Variants in PCDHA8 observed in about 807,000 individuals in gnomAD.
The protein encoded by PCDHA8 is protocadherin alpha 8, also known as protocadherin alpha-8.
A neutral mutation model predicts 61.8 loss-of-function variants in PCDHA8; 53 were observed. That is an observed-to-expected ratio of 0.86 (90% CI 0.69 to 1.08). The LOEUF is 1.08. PCDHA8 is among the 50% of genes least tolerant of loss of function. The pLI is 0.00. For synonymous variants in PCDHA8, 618 were observed against 556.6 expected (o/e 1.11, Z -1.55); for missense variants, 1,293 against 1,245.0 (o/e 1.04, Z -0.58).
intron 1 of PCDHA8, among the ~76,000 whole-genome samples, chr5:140,969,822 G>C (rs559271640): frequency 2.0e-5 from 3 of 152,202 alleles, no homozygotes; most frequent in Non-Finnish European, 4.4e-5. Context: ...ACTCTGGACT[G>C]TCTACAGTGG....
intron 1 of PCDHA8, among the ~76,000 whole-genome samples, chr5:140,975,946 A>T (rs989122714): frequency 6.6e-6 from 1 of 152,210 alleles, no homozygotes; most frequent in Non-Finnish European, 1.5e-5. Context: ...AATAGGACAT[A>T]TTAGAGTTCT....
chr5:140,857,737 G>C (rs782448076), intron 1 of PCDHA8: 4 of 1,597,412 alleles, frequency 2.5e-6, no homozygotes, highest in Middle Eastern at 1.8e-4. Context: ...ACGCTCCCGC[G>C]CTGCTGGCGT....
intron 1 of PCDHA8, chr5:140,861,415 G>T (rs1400394792): frequency 4.2e-6 from 2 of 475,856 alleles, no homozygotes; most frequent in Non-Finnish European, 8.6e-6. Context: ...CTGATACCGC[G>T]CCTGTTTCAG....
Position 140,841,797 on chromosome 5 carries a change from A to T in PCDHA8, c.476A>T (p.Asp159Val). 6.2e-7 allele frequency: 1 copy of T among 1,613,936 alleles called. No homozygotes were observed. The highest frequency in any genetic ancestry group is 8.5e-7 in the Non-Finnish European group (1 of 1,179,872). ...DSRFPLEGAS[D>V]ADVGANSVLT... Reference sequence around the variant, plus strand: ...CGGTTTCCGCTAGAGGGCGCGTCCGATGCAGATGTTGGAGCTAACTCCGTG... The same window carrying T: ...CGGTTTCCGCTAGAGGGCGCGTCCGTTGCAGATGTTGGAGCTAACTCCGTG... Residue 159 changes from aspartate (D) to valine (V), a missense_variant, in exon 1 of 4, where the codon GAT becomes GTT. Physicochemically the swap from Asp to Val is radical, Grantham distance 152 (BLOSUM62 -3). Transcript: ENST00000531613.
chr5:140,954,610 A>T (rs1464657596), intron 1 of PCDHA8, among the ~76,000 whole-genome samples: 1 of 151,962 alleles, frequency 6.6e-6, no homozygotes, highest in East Asian at 1.9e-4. Flanking sequence ...CCACTTTTTA[A>T]TGGGCTTGTT....
chr5:140,841,586 C>A lies in PCDHA8; in HGVS notation c.265C>A (p.Arg89=), dbSNP rs1327577851. The A allele has an allele frequency of 2.5e-6, 4 of 1,614,026 alleles. No homozygotes were observed. The highest frequency in any genetic ancestry group is 4.5e-5 in the East Asian group (2 of 44,878). ...GAATGGCATTTTGTTTGTGAATTCT[C>A]GGATCGACCGCGAGGAGCTGTGCGG... ...LQNGILFVNS[R]IDREELCGRS... is the part of the protein sequence containing the mutation. Residue 89 remains arginine (R), a synonymous_variant, in exon 1 of 4, where the codon CGG becomes AGG. Transcript: ENST00000531613.
At chr5:140,969,493 C>T (rs1240479958) in intron 1 of PCDHA8, 5 of 1,445,166 alleles carry the variant, frequency 3.5e-6, no homozygotes, top group Non-Finnish European at 4.6e-6. Flanking sequence ...GCTATTTCCT[C>T]TCTAGAAAAA....
chr5:140,931,088 A>G (rs1178910459), intron 1 of PCDHA8, among the ~76,000 whole-genome samples: 1 of 152,196 alleles, frequency 6.6e-6, no homozygotes, highest in African/African-American at 2.4e-5. Context: ...AGTTCTACAG[A>G]TGACAAAGGA....
intron 1 of PCDHA8, chr5:140,928,156 T>G (rs1554205560): frequency 6.2e-7 from 1 of 1,614,188 alleles, no homozygotes; most frequent in East Asian, 2.2e-5. Context: ...AGATAGTGGC[T>G]CACCCCCACT....
chr5:140,971,263 C>T (rs1554233162), intron 1 of PCDHA8, among the ~76,000 whole-genome samples: 1 of 152,186 alleles, frequency 6.6e-6, no homozygotes, highest in African/African-American at 2.4e-5. Flanking sequence ...CTATTTCTGT[C>T]TTACACTGAC....
chr5:140,896,561 G>C (rs1562891119), intron 1 of PCDHA8, among the ~76,000 whole-genome samples: 2 of 150,758 alleles, frequency 1.3e-5, no homozygotes, highest in Non-Finnish European at 2.9e-5. Flanking sequence ...ATTTTAAGTA[G>C]AGATGGGGTT....
chr5:140,940,552 G>A (rs1198606745), intron 1 of PCDHA8, among the ~76,000 whole-genome samples: 4 of 152,018 alleles, frequency 2.6e-5, no homozygotes, highest in African/African-American at 9.7e-5. Flanking sequence ...GGGCTCAAGT[G>A]ATTCTCCTAC....
At chr5:140,985,818 C>T (rs1377098916) in intron 3 of PCDHA8, among the ~76,000 whole-genome samples, 1 of 142,038 alleles carries the variant, frequency 7.0e-6, no homozygotes, top group Non-Finnish European at 1.5e-5. Flanking sequence ...CAGCTCACAA[C>T]AAGCTCTGCC....
At chr5:140,883,781 T>C (rs1156481556) in intron 1 of PCDHA8, 1 of 1,612,432 alleles carries the variant, frequency 6.2e-7, no homozygotes, top group Non-Finnish European at 8.5e-7. Flanking sequence ...GCGTGCGCTG[T>C]CGAGCTACGT....
rs1051787265 is a variant in PCDHA8 at position 140,857,050 on chromosome 5, G to A, written c.2394+13335G>A. On this transcript the variant is annotated intron_variant, in intron 1 of 3. Transcript: ENST00000531613. ...ACCCACCTATGGTTGGTCACTGCAC[G>A]GTCCTAGTGGAACTACTGGATGAAA... is the stretch of plus-strand genomic sequence containing the variant. 1.3e-5 allele frequency: 20 copies of A among 1,595,508 alleles called. 1 individual carries two copies. The highest frequency in any genetic ancestry group is 1.7e-5 in the Non-Finnish European group (20 of 1,165,320).
intron 1 of PCDHA8, among the ~76,000 whole-genome samples, chr5:140,961,917 T>G (rs2095643057): frequency 6.6e-6 from 1 of 151,470 alleles, no homozygotes; most frequent in Non-Finnish European, 1.5e-5. Flanking sequence ...GGAGTCTCGC[T>G]CTGTTGCCCA....
intron 1 of PCDHA8, chr5:140,927,861 C>T (rs782305822): frequency 1.2e-6 from 2 of 1,614,042 alleles, no homozygotes; most frequent in East Asian, 2.2e-5. Context: ...TAGCTAGCAC[C>T]GCTAAACTGC....
rs2098419589 is a variant in PCDHA8 at position 141,011,142 on chromosome 5, C to A, written c.*1205C>A. 1 of 153,660 alleles carries A rather than the reference C, an allele frequency of 6.5e-6. No individual in the cohort carries two copies. The highest frequency in any genetic ancestry group is 2.1e-4 in the South Asian group (1 of 4,820). 9.5% of individuals were successfully genotyped at this position (153,660 alleles called of 1,614,324 possible). On this transcript the variant is annotated 3_prime_UTR_variant, in exon 4 of 4. Transcript: ENST00000531613. ...CAATTATGTGCACTTTGATACACAA[C>A]CTTCTCTAACCAACTATATATCAAG...
chr5:140,993,754 A>G (rs1253767297), intron 3 of PCDHA8, among the ~76,000 whole-genome samples: 1 of 152,170 alleles, frequency 6.6e-6, no homozygotes, highest in African/African-American at 2.4e-5. Context: ...ACTTGCCATT[A>G]TATTACAATT....
Sources: allele counts gnomAD v4.1 joint callset (sites outside exome capture counted in the v4.1 genomes callset), GRCh38; gene constraint gnomAD v4.1.1; transcripts MANE v1.5; gene names NCBI Gene and HGNC (gene_info 2026-07-23, HGNC 2026-07-21).